The following ADAM9 variants were observed in gnomAD, a reference collection of about 807,000 sequenced individuals.
The protein encoded by ADAM9 is ADAM metallopeptidase domain 9, also known as disintegrin and metalloproteinase domain-containing protein 9.
ADAM9 carries 54 observed loss-of-function variants against 108.1 expected under a neutral mutation model. That is an observed-to-expected ratio of 0.50 (90% CI 0.40 to 0.63). The LOEUF (loss-of-function observed/expected upper bound fraction) is 0.63, where lower values mean the gene tolerates loss of function less well. Ranked by LOEUF, ADAM9 falls within the 20% of genes least tolerant of loss-of-function variation. The pLI is 0.00. For missense variants in ADAM9, 830 were observed against 997.7 expected (o/e 0.83, Z 2.26); for synonymous variants, 316 against 336.0 (o/e 0.94, Z 0.65).
rs957617967 is a variant in ADAM9, at chr8:39,022,066, G to T, written c.744+352G>T. Among the ~76,000 whole-genome samples the T allele has an allele frequency of 9.2e-5, 10 of 108,774 alleles. No individual in the cohort carries two copies. In the South Asian group the frequency reaches 2.1e-3, roughly 23 times the overall value. 71.4% of individuals were successfully genotyped at this position (108,774 alleles called of 152,430 possible). The stretch of plus-strand genomic sequence containing the variant: ...CTGAAAACATGATATGACAATATTT[G>T]TGTGTGTGTGTGTGTGTGTGTGTGT... On this transcript the variant is annotated intron_variant, in intron 8 of 21. Transcript: ENST00000487273.
At chr8:39,041,292 A>C (rs1040296482) in intron 11 of ADAM9, among the ~76,000 whole-genome samples, 1 of 152,240 alleles carries the variant, frequency 6.6e-6, no homozygotes, top group African/African-American at 2.4e-5. Context: ...ACATAGCTCA[A>C]GTTGGACATT....
intron 18 of ADAM9, among the ~76,000 whole-genome samples, chr8:39,083,287 C>G (rs1451660512): frequency 6.6e-6 from 1 of 152,164 alleles, no homozygotes; most frequent in Non-Finnish European, 1.5e-5. Context: ...CTTATGTAGG[C>G]TCCCTATTTT....
At chr8:39,011,610 G>A (rs1011131922) in intron 2 of ADAM9, 48 bp from the exon 3 acceptor site, 1 of 1,540,964 alleles carries the variant, frequency 6.5e-7, no homozygotes. Context: ...TTGTTGAAAA[G>A]TAATTTTTAA....
chr8:39,071,527 C>T (rs1361880588), intron 15 of ADAM9, 124 bp downstream of exon 15: 3 of 844,664 alleles, frequency 3.6e-6, no homozygotes, highest in Non-Finnish European at 5.4e-6. Flanking sequence ...AGTGCAGTGG[C>T]GCGATCTCGG....
intron 12 of ADAM9, among the ~76,000 whole-genome samples, chr8:39,048,069 C>T (rs888026925): frequency 3.3e-5 from 5 of 151,818 alleles, no homozygotes; most frequent in African/African-American, 1.2e-4. Context: ...TACAGGCGCG[C>T]ACCACCATGC....
At chr8:39,027,791 A>G (rs1836968885) in intron 11 of ADAM9, among the ~76,000 whole-genome samples, 1 of 152,154 alleles carries the variant, frequency 6.6e-6, no homozygotes, top group Admixed American at 6.5e-5. Flanking sequence ...GATATCTTTA[A>G]CAAATACAGG....
intron 20 of ADAM9, among the ~76,000 whole-genome samples, chr8:39,099,316 C>T (rs972808433): frequency 6.6e-6 from 1 of 152,132 alleles, no homozygotes; most frequent in Non-Finnish European, 1.5e-5. Context: ...AGTTTGGACT[C>T]TTTCATACGT....
Position 39,027,195 on chromosome 8 carries a change from G to T in ADAM9, c.1130+385G>T, listed in dbSNP as rs1465548313. Among the ~76,000 whole-genome samples the T allele has an allele frequency of 3.9e-5, 6 of 152,200 alleles. No individual in the cohort carries two copies. The East Asian group carries it at 9.6e-4, about 24-fold the overall frequency. On this transcript the variant is annotated intron_variant, in intron 11 of 21. Transcript: ENST00000487273. ...AGAAATTAAGAGGGAGTTTCTGCTA[G>T]GTTCAGTGTGGATTGGATTACACTG... is the stretch of plus-strand genomic sequence containing the variant.
At chr8:39,075,534 G>A (rs149415476) in intron 15 of ADAM9, among the ~76,000 whole-genome samples, 128 of 152,328 alleles carry the variant, frequency 8.4e-4, no homozygotes, top group African/African-American at 3.0e-3. Flanking sequence ...AACAGTGAAT[G>A]AGCATCTCAG....
At chr8:39,040,044 TTTTA>T (rs201372354) in intron 11 of ADAM9, among the ~76,000 whole-genome samples, 10 of 152,192 alleles carry the variant, frequency 6.6e-5, no homozygotes, top group African/African-American at 1.9e-4. Flanking sequence ...TTGTCATCTC[TTTTA>T]TTTATTTATT....
At chr8:39,093,850 A>G (rs745795640) in intron 20 of ADAM9, among the ~76,000 whole-genome samples, 1 of 152,108 alleles carries the variant, frequency 6.6e-6, no homozygotes, top group South Asian at 2.1e-4. Context: ...GCTTACTGCA[A>G]CCTCTTTCTC....
intron 14 of ADAM9, 134 bp from the exon 15 acceptor site, chr8:39,071,164 A>T (rs7821313): frequency 1.4e-6 from 1 of 696,884 alleles, no homozygotes; most frequent in African/African-American, 1.8e-5. Flanking sequence ...GTGAGGCAGG[A>T]AAGGTTTTCC....
chr8:39,093,807 TCAC>T (rs567291088), intron 20 of ADAM9, among the ~76,000 whole-genome samples: 12 of 152,356 alleles, frequency 7.9e-5, no homozygotes, highest in African/African-American at 2.9e-4. Context: ...TCTCGCTCTG[TCAC>T]CCAGGCTGCA....
chr8:39,051,397 G>T (rs1837954814), intron 12 of ADAM9, among the ~76,000 whole-genome samples: 1 of 152,152 alleles, frequency 6.6e-6, no homozygotes, highest in Non-Finnish European at 1.5e-5. Context: ...CTAGTTTCTG[G>T]ATTTCTCACA....
At chr8:39,047,282 G>A (rs1341252653) in intron 12 of ADAM9, among the ~76,000 whole-genome samples, 3 of 152,146 alleles carry the variant, frequency 2.0e-5, no homozygotes, top group Non-Finnish European at 4.4e-5. Flanking sequence ...ATTGGCCTTG[G>A]TGATACAGTC....
intron 1 of ADAM9, among the ~76,000 whole-genome samples, chr8:39,003,804 CT>C (rs1209571701): frequency 6.6e-6 from 1 of 152,070 alleles, no homozygotes; most frequent in Non-Finnish European, 1.5e-5. Context: ...TTTTGAAAGT[CT>C]TTTAAAAATA....
intron 14 of ADAM9, among the ~76,000 whole-genome samples, chr8:39,067,283 G>A (rs946937154): frequency 2.0e-5 from 3 of 152,128 alleles, no homozygotes; most frequent in Admixed American, 2.0e-4. Flanking sequence ...TTCCAATTCT[G>A]TGAAGAAAGT....
chr8:39,055,998 C>T (rs759081640), intron 14 of ADAM9, among the ~76,000 whole-genome samples: 13 of 151,972 alleles, frequency 8.6e-5, no homozygotes, highest in South Asian at 2.1e-4. Context: ...TTGTGTATCA[C>T]GCACACACAC....
intron 11 of ADAM9, among the ~76,000 whole-genome samples, chr8:39,029,773 T>C (rs1401481665): frequency 6.6e-6 from 1 of 152,208 alleles, no homozygotes; most frequent in Admixed American, 6.5e-5. Flanking sequence ...TGTTGAGTTC[T>C]GTTTGCTAGT....
Sources: allele counts gnomAD v4.1 joint callset (sites outside exome capture counted in the v4.1 genomes callset), GRCh38; gene constraint gnomAD v4.1.1; transcripts MANE v1.5; gene names NCBI Gene and HGNC (gene_info 2026-07-23, HGNC 2026-07-21).